The following LOC128462377 variants were observed in gnomAD, a reference collection of about 807,000 sequenced individuals.
the LOC128462377 span, among the ~76,000 whole-genome samples, chr16:89,328,466 G>A: frequency 3.3e-5 from 5 of 152,356 alleles, no homozygotes; most frequent in Middle Eastern, 3.4e-3. Context: ...CGGTGTCCTC[G>A]AAACTGGGTT....
At chr16:89,376,085 T>C in the LOC128462377 span, among the ~76,000 whole-genome samples, 1 of 152,248 alleles carries the variant, frequency 6.6e-6, no homozygotes, top group Non-Finnish European at 1.5e-5. Flanking sequence ...AAAATTTTTT[T>C]GTGAAATACC....
the LOC128462377 span, among the ~76,000 whole-genome samples, chr16:89,400,007 C>A: frequency 1.3e-5 from 2 of 149,722 alleles, no homozygotes; most frequent in East Asian, 2.0e-4. Flanking sequence ...TCATCTGCTG[C>A]CCCAGGCTTC....
the LOC128462377 span, among the ~76,000 whole-genome samples, chr16:89,369,191 GA>G: frequency 1.3e-5 from 2 of 152,152 alleles, no homozygotes; most frequent in Admixed American, 6.5e-5. Context: ...TCCCAAGAGA[GA>G]ATATGAAACA....
the LOC128462377 span, among the ~76,000 whole-genome samples, chr16:89,366,866 C>A: frequency 1.3e-5 from 2 of 152,236 alleles, no homozygotes; most frequent in African/African-American, 4.8e-5. Context: ...AAGCCACTCA[C>A]GGCCTCTGTC....
the LOC128462377 span, among the ~76,000 whole-genome samples, chr16:89,326,849 C>A: frequency 6.6e-6 from 1 of 152,218 alleles, no homozygotes; most frequent in Non-Finnish European, 1.5e-5. Flanking sequence ...TAACACAAAG[C>A]CTGCCCGCCA....
chr16:89,336,398 C>T, the LOC128462377 span, among the ~76,000 whole-genome samples: 1 of 152,224 alleles, frequency 6.6e-6, no homozygotes, highest in African/African-American at 2.4e-5. Flanking sequence ...ATTCAAAGAC[C>T]CAGGAAGGAA....
chr16:89,330,630 G>A, the LOC128462377 span, among the ~76,000 whole-genome samples: 2 of 135,832 alleles, frequency 1.5e-5, no homozygotes, highest in Admixed American at 7.7e-5. Flanking sequence ...CTCGTGACAC[G>A]GCAGTAGGTT....
the LOC128462377 span, among the ~76,000 whole-genome samples, chr16:89,345,069 C>T: frequency 6.6e-6 from 1 of 152,270 alleles, no homozygotes; most frequent in African/African-American, 2.4e-5. Context: ...CGGATGGTTT[C>T]TCAACCACTC....
the LOC128462377 span, among the ~76,000 whole-genome samples, chr16:89,355,901 C>T: frequency 6.6e-6 from 1 of 152,128 alleles, no homozygotes; most frequent in African/African-American, 2.4e-5. Context: ...GTGCTCCCCC[C>T]AGCACAGCTC....
At chr16:89,380,583 T>C in the LOC128462377 span, among the ~76,000 whole-genome samples, 1 of 152,152 alleles carries the variant, frequency 6.6e-6, no homozygotes, top group Admixed American at 6.5e-5. Context: ...TTGGGACTTG[T>C]GAAAGCATTT....
At chr16:89,362,914 T>C in the LOC128462377 span, among the ~76,000 whole-genome samples, 1 of 152,022 alleles carries the variant, frequency 6.6e-6, no homozygotes, top group African/African-American at 2.4e-5. Context: ...ATACAGAATG[T>C]GAGGTCCCGT....
chr16:89,325,449 C>CCTCTCTCTCT, the LOC128462377 span, among the ~76,000 whole-genome samples: 1 of 139,530 alleles, frequency 7.2e-6, no homozygotes, highest in African/African-American at 2.7e-5. Flanking sequence ...TCTCCCCTCT[C>CCTCTCTCTCT]CTCTCTCTCT....
chr16:89,381,435 T>C, the LOC128462377 span, among the ~76,000 whole-genome samples: 2 of 151,432 alleles, frequency 1.3e-5, no homozygotes, highest in African/African-American at 4.9e-5. Context: ...CCTACCAGTT[T>C]AGGGTTATTG....
the LOC128462377 span, among the ~76,000 whole-genome samples, chr16:89,387,739 G>T: frequency 6.8e-6 from 1 of 147,930 alleles, no homozygotes; most frequent in Non-Finnish European, 1.5e-5. Context: ...ACGGTAGCTT[G>T]CGCCTGTAAT....
the LOC128462377 span, among the ~76,000 whole-genome samples, chr16:89,336,595 C>A: frequency 2.6e-5 from 4 of 152,160 alleles, no homozygotes; most frequent in East Asian, 5.8e-4. Context: ...CAATGAGACA[C>A]AAGGTTAAAG....
At chr16:89,405,701 C>T in the LOC128462377 span, among the ~76,000 whole-genome samples, 5 of 152,208 alleles carry the variant, frequency 3.3e-5, no homozygotes, top group East Asian at 9.7e-4. Flanking sequence ...AGGGACAATT[C>T]AGGAAATGCA....
At chr16:89,347,295 C>T in the LOC128462377 span, among the ~76,000 whole-genome samples, 13 of 152,132 alleles carry the variant, frequency 8.5e-5, no homozygotes, top group South Asian at 2.1e-4. Flanking sequence ...TATGTGTGTA[C>T]GTGAACATGT....
At chr16:89,323,178 G>A in the LOC128462377 span, 1 of 575,518 alleles carries the variant, frequency 1.7e-6, no homozygotes, top group South Asian at 1.7e-5. Flanking sequence ...GTGGTGCCTT[G>A]TGCACACCTC....
At chr16:89,337,397 C>CTGCACAATA in the LOC128462377 span, among the ~76,000 whole-genome samples, 1 of 140,652 alleles carries the variant, frequency 7.1e-6, no homozygotes, top group Non-Finnish European at 1.5e-5. Context: ...GTTAACCCTA[C>CTGCACAATA]TGCACAATAC....
Sources: allele counts gnomAD v4.1 joint callset (sites outside exome capture counted in the v4.1 genomes callset), GRCh38; gene constraint gnomAD v4.1.1; transcripts MANE v1.5.